MAGI2: variants seen among roughly 807,000 people sequenced by gnomAD.
The protein encoded by MAGI2 is membrane associated guanylate kinase, WW and PDZ domain containing 2, also known as membrane-associated guanylate kinase, WW and PDZ domain-containing protein 2.
In MAGI2, 35 loss-of-function variants were observed where a neutral mutation model predicts 133.3. The ratio of observed to expected loss-of-function variants is 0.26; its 90% CI spans 0.20 to 0.35. MAGI2 has a LOEUF of 0.35. MAGI2 is among the 10% of genes least tolerant of loss of function. MAGI2 has a pLI of 1.00. For missense variants in MAGI2, 1,636 were observed against 1,863.4 expected, an observed-to-expected ratio of 0.88 and a Z score of 2.25; for synonymous variants, 729 against 710.6, an observed-to-expected ratio of 1.03 and a Z score of -0.41.
At chr7:78,451,028 A>G (rs1039941020) in intron 6 of MAGI2, among the ~76,000 whole-genome samples, 1 of 152,112 alleles carries the variant, frequency 6.6e-6, no homozygotes, top group Non-Finnish European at 1.5e-5. Context: ...TAGTAGTGAA[A>G]TGTTGACATC....
intron 9 of MAGI2, among the ~76,000 whole-genome samples, chr7:78,284,211 C>A (rs1298360793): frequency 2.0e-5 from 3 of 152,064 alleles, no homozygotes; most frequent in Non-Finnish European, 4.4e-5. Context: ...TGGCTTAAAC[C>A]TTCCCCTAGG....
chr7:79,342,091 C>T (rs1272957442), intron 1 of MAGI2, among the ~76,000 whole-genome samples: 1 of 152,160 alleles, frequency 6.6e-6, no homozygotes, highest in Non-Finnish European at 1.5e-5. Flanking sequence ...CACAAGAGGG[C>T]ATACCTACTT....
chr7:78,375,340 A>G (rs897344474), intron 6 of MAGI2, among the ~76,000 whole-genome samples: 2 of 152,108 alleles, frequency 1.3e-5, no homozygotes, highest in African/African-American at 4.8e-5. Context: ...AGAGTCAGGC[A>G]TTGTTCCTTT....
chr7:79,156,845 C>T (rs1423017645), intron 1 of MAGI2, among the ~76,000 whole-genome samples: 1 of 152,008 alleles, frequency 6.6e-6, no homozygotes, highest in Non-Finnish European at 1.5e-5. Flanking sequence ...AATTTGGCAT[C>T]CAACATAGGG....
Position 78,501,716 on chromosome 7 carries a change from C to T in MAGI2, c.826G>A (p.Val276Met), listed in dbSNP as rs369905248. Residue 276 changes from valine to methionine, a missense_variant, in exon 5 of 22, where the codon GTG becomes ATG. Coordinates refer to ENST00000354212, the MANE Select transcript of MAGI2 (RefSeq NM_012301.4). ...EMPSQPYPAPVYSQPEELKEQ... is the reference protein window; with the variant it reads ...EMPSQPYPAPMYSQPEELKEQ... ...TTCAGCTCCTCAGGCTGACTGTACA[C>T]TGGTGCAGGATAAGGCTGGGAGGGC... 7.4e-5 allele frequency: 119 copies of T among 1,614,042 alleles called. No individual in the cohort carries two copies. The highest frequency in any genetic ancestry group is 9.7e-5 in the Non-Finnish European group (115 of 1,180,042).
chr7:78,227,695 C>T (rs1205773476), intron 10 of MAGI2, among the ~76,000 whole-genome samples: 4 of 152,146 alleles, frequency 2.6e-5, no homozygotes, highest in African/African-American at 9.7e-5. Flanking sequence ...GTTCTCTTCA[C>T]AGGCATGAGT....
chr7:78,365,279 T>C (rs768301227), intron 7 of MAGI2, among the ~76,000 whole-genome samples: 3 of 152,188 alleles, frequency 2.0e-5, no homozygotes, highest in Non-Finnish European at 4.4e-5. Flanking sequence ...CATTCTGCTG[T>C]AGAACGGTAC....
intron 1 of MAGI2, among the ~76,000 whole-genome samples, chr7:79,069,854 T>C (rs1228488793): frequency 1.3e-5 from 2 of 152,192 alleles, no homozygotes; most frequent in South Asian, 2.1e-4. Flanking sequence ...TATTTCTCCT[T>C]TGCTTATGAA....
intron 1 of MAGI2, among the ~76,000 whole-genome samples, chr7:79,193,864 C>T (rs1827867083): frequency 6.6e-6 from 1 of 151,828 alleles, no homozygotes; most frequent in Non-Finnish European, 1.5e-5. Flanking sequence ...CTGGGTACCC[C>T]AGGCAAAGAG....
At chr7:79,077,058 G>A (rs1027031651) in intron 1 of MAGI2, among the ~76,000 whole-genome samples, 1 of 152,286 alleles carries the variant, frequency 6.6e-6, no homozygotes, top group African/African-American at 2.4e-5. Flanking sequence ...TGGGGATTTT[G>A]AATCTTGAGT....
intron 2 of MAGI2, among the ~76,000 whole-genome samples, chr7:78,675,100 A>G (rs1814862457): frequency 6.6e-6 from 1 of 152,154 alleles, no homozygotes; most frequent in South Asian, 2.1e-4. Flanking sequence ...GTGATATAGT[A>G]GTTACATTCA....
intron 1 of MAGI2, among the ~76,000 whole-genome samples, chr7:79,056,105 C>A (rs1813124907): frequency 6.6e-6 from 1 of 152,174 alleles, no homozygotes; most frequent in Admixed American, 6.5e-5. Context: ...AGAACCCTTG[C>A]ACACTGGTTT....
chr7:78,608,391 T>C (rs1806054477), intron 3 of MAGI2, among the ~76,000 whole-genome samples: 1 of 151,948 alleles, frequency 6.6e-6, no homozygotes, highest in Non-Finnish European at 1.5e-5. Flanking sequence ...ATAGAGATAA[T>C]AATGGTTTCT....
chr7:79,276,149 C>A (rs1835214679), intron 1 of MAGI2, among the ~76,000 whole-genome samples: 1 of 152,060 alleles, frequency 6.6e-6, no homozygotes, highest in Non-Finnish European at 1.5e-5. Context: ...TGGATCTGGG[C>A]AAAGTAAAAT....
intron 2 of MAGI2, among the ~76,000 whole-genome samples, chr7:78,940,051 G>T (rs1204102576): frequency 1.3e-5 from 2 of 152,064 alleles, no homozygotes; most frequent in Non-Finnish European, 2.9e-5. Context: ...TATAAAAATT[G>T]CCTCATCCCC....
At chr7:78,300,817 G>A (rs759755796) in intron 9 of MAGI2, among the ~76,000 whole-genome samples, 9 of 152,098 alleles carry the variant, frequency 5.9e-5, no homozygotes, top group Non-Finnish European at 1.0e-4. Context: ...TACTTAAAAC[G>A]TATCTAAAAG....
chr7:78,104,163 T>C (rs1333307894), intron 20 of MAGI2, among the ~76,000 whole-genome samples: 2 of 152,166 alleles, frequency 1.3e-5, no homozygotes, highest in African/African-American at 4.8e-5. Flanking sequence ...TCCCTGGCTG[T>C]GCTTGTGAGG....
chr7:78,334,621 G>C (rs1789562558), intron 9 of MAGI2, among the ~76,000 whole-genome samples: 1 of 152,220 alleles, frequency 6.6e-6, no homozygotes, highest in African/African-American at 2.4e-5. Flanking sequence ...TTGGATGGGA[G>C]AGGGGGAGGT....
chr7:79,055,694 C>T (rs1813091133), intron 1 of MAGI2, among the ~76,000 whole-genome samples: 1 of 152,098 alleles, frequency 6.6e-6, no homozygotes, highest in African/African-American at 2.4e-5. Context: ...TTAAAAGAAA[C>T]TTTCAAATAA....
Sources: gnomAD v4.1 joint callset for allele counts (sites outside exome capture counted in the v4.1 genomes callset) on GRCh38, gnomAD v4.1.1 for gene constraint, MANE v1.5 for transcripts, NCBI Gene and HGNC (gene_info 2026-07-23, HGNC 2026-07-21) for gene names.